TESMIN: variants seen among roughly 807,000 people sequenced by gnomAD.
The protein encoded by TESMIN is CXC domain containing 2.
TESMIN carries 34 observed loss-of-function variants against 47.4 expected under a neutral mutation model. That is an observed-to-expected ratio of 0.72 (90% confidence interval 0.55 to 0.96). The LOEUF is 0.96. TESMIN is among the 40% of genes least tolerant of loss of function. TESMIN has a pLI of 0.00. For synonymous variants in TESMIN, 278 were observed against 258.9 expected (o/e 1.07, Z -0.71); for missense variants, 610 against 637.2 (o/e 0.96, Z 0.46).
At chr11:68,736,722 TGAAAATAATCTAGTATAGACACA>T (rs1453025239) in intron 6 of TESMIN, 1 of 979,518 alleles carries the variant, frequency 1.0e-6, no homozygotes, top group African/African-American at 1.8e-5. Context: ...TGTGACTGAT[TGAAAATAATCTAGTATAGACACA>T]GAAGGAGGAA....
At chr11:68,739,739 A>C (rs1170638873) in intron 5 of TESMIN, among the ~76,000 whole-genome samples, 1 of 152,074 alleles carries the variant, frequency 6.6e-6, no homozygotes, top group Non-Finnish European at 1.5e-5. Flanking sequence ...CTTCCCGGGA[A>C]ACCCCTTCCT....
intron 6 of TESMIN, among the ~76,000 whole-genome samples, chr11:68,728,943 C>A (rs183225178): frequency 6.6e-6 from 1 of 152,146 alleles, no homozygotes; most frequent in Non-Finnish European, 1.5e-5. Context: ...ACCTGGCCCC[C>A]CAAGAGCTCT....
At chr11:68,715,283 A>G (rs1946123417) in intron 7 of TESMIN, among the ~76,000 whole-genome samples, 1 of 152,224 alleles carries the variant, frequency 6.6e-6, no homozygotes. Context: ...TAAAAGCTGC[A>G]AGCTCCTGTG....
chr11:68,735,139 G>A (rs1946372513), intron 6 of TESMIN, among the ~76,000 whole-genome samples: 1 of 152,222 alleles, frequency 6.6e-6, no homozygotes, highest in Non-Finnish European at 1.5e-5. Context: ...AGACAGAACA[G>A]TTACAGCTTT....
At chr11:68,715,024 T>A (rs566292288) in intron 7 of TESMIN, among the ~76,000 whole-genome samples, 1 of 152,240 alleles carries the variant, frequency 6.6e-6, no homozygotes, top group Non-Finnish European at 1.5e-5. Flanking sequence ...ATTGGTTAGA[T>A]ATTTCAAGTC....
intron 6 of TESMIN, among the ~76,000 whole-genome samples, chr11:68,716,843 C>T (rs1239422836): frequency 2.6e-5 from 4 of 152,226 alleles, no homozygotes; most frequent in African/African-American, 9.6e-5. Flanking sequence ...CCCAGAGAGC[C>T]ACCCCATGGC....
chr11:68,727,617 C>A (rs1405420440), intron 6 of TESMIN, among the ~76,000 whole-genome samples: 1 of 152,162 alleles, frequency 6.6e-6, no homozygotes, highest in African/African-American at 2.4e-5. Context: ...CACTTATAGG[C>A]AAACCTCATT....
chr11:68,738,769 G>A lies in TESMIN; in HGVS notation c.848C>T (p.Ser283Leu), dbSNP rs1016603750. The change falls in exon 6 of 10, where the codon TCG (serine) becomes TTG (leucine). Residue 283 changes from serine (S) to leucine (L), a missense_variant. Physicochemically the swap from Ser to Leu is moderately radical, Grantham distance 145 (BLOSUM62 -2). Coordinates refer to ENST00000255087, the MANE Select transcript of TESMIN (RefSeq NM_004923.3). ...ITQQLEGALP[S>L]VVNGSAFPSG... ...GGGGAAAGCAGACCCGTTGACTACC[G>A]ATGGTAAGGCTCCCTCAAGCTGTTC... The A allele has an allele frequency of 9.9e-6, 16 of 1,613,800 alleles. No individual in the cohort carries two copies. Among genetic ancestry groups the A allele is most frequent in the South Asian group, 2.2e-5 (2 of 91,082 alleles).
At position 68,750,372 on chromosome 11, in the gene TESMIN, A is replaced by G; in HGVS notation, c.289T>C (p.Tyr97His). The G allele has an allele frequency of 3.3e-6, 5 of 1,508,776 alleles. No homozygotes were observed. The highest frequency in any genetic ancestry group is 3.6e-6 in the Non-Finnish European group (4 of 1,126,054). The allele number at this position is 1,508,776 out of a possible 1,614,324, so 93.5% of individuals were successfully genotyped here. The change falls in exon 2 of 10, where the codon TAC becomes CAC. Residue 97 changes from tyrosine to histidine, a missense_variant. Physicochemically the swap from Tyr to His is moderately conservative, Grantham distance 83. Coordinates refer to ENST00000255087, the MANE Select transcript of TESMIN (RefSeq NM_004923.3). Reference protein sequence around the residue: ...DSDGGELLGEYPGIPELSALE... With the variant: ...DSDGGELLGEHPGIPELSALE... ...GCGCTGAGCTCTGGGATCCCGGGGTACTCCCCGAGGAGCTCCCCGCCGTCG... is the reference window on the plus strand; with the variant it reads ...GCGCTGAGCTCTGGGATCCCGGGGTGCTCCCCGAGGAGCTCCCCGCCGTCG...
chr11:68,714,866 A>G (rs1249252164), intron 7 of TESMIN, among the ~76,000 whole-genome samples: 4 of 152,210 alleles, frequency 2.6e-5, no homozygotes, highest in African/African-American at 9.6e-5. Context: ...GTGCCCCTTT[A>G]TATGCCTATC....
intron 6 of TESMIN, among the ~76,000 whole-genome samples, chr11:68,720,882 C>A (rs1946196104): frequency 6.6e-6 from 1 of 152,046 alleles, no homozygotes; most frequent in Non-Finnish European, 1.5e-5. Context: ...ATCTCATTCC[C>A]TAGAGATGAT....
At chr11:68,741,146 G>A (rs1461097559) in intron 5 of TESMIN, among the ~76,000 whole-genome samples, 1 of 151,884 alleles carries the variant, frequency 6.6e-6, no homozygotes, top group Non-Finnish European at 1.5e-5. Flanking sequence ...TGCCATAACA[G>A]GCTCACCGTT....
At chr11:68,747,079 A>G (rs1946529933) in intron 3 of TESMIN, 129 bp downstream of exon 3, 1 of 1,036,170 alleles carries the variant, frequency 9.7e-7, no homozygotes, top group Admixed American at 2.0e-5. Flanking sequence ...TGCTAATGAG[A>G]CAACCAAAAA....
At chr11:68,722,032 T>C (rs916555304) in intron 6 of TESMIN, among the ~76,000 whole-genome samples, 2 of 152,162 alleles carry the variant, frequency 1.3e-5, no homozygotes, top group African/African-American at 4.8e-5. Context: ...TCAGTGTCCA[T>C]TGCAGCATCA....
chr11:68,715,740 G>GT (rs1946129147), intron 7 of TESMIN, 97 bp downstream of exon 7: 4 of 907,084 alleles, frequency 4.4e-6, no homozygotes, highest in Admixed American at 2.4e-5. Flanking sequence ...AAAACTGTGG[G>GT]TTTTTTCCAA....
chr11:68,712,880 C>T (rs998130488), intron 8 of TESMIN, among the ~76,000 whole-genome samples: 1 of 152,194 alleles, frequency 6.6e-6, no homozygotes, highest in Non-Finnish European at 1.5e-5. Flanking sequence ...CTGTCCCCCA[C>T]GGCCCCACCT....
Position 68,707,548 on chromosome 11 carries a change from A to C in TESMIN, c.*760T>G, listed in dbSNP as rs1040803634. On this transcript the variant is annotated 3_prime_UTR_variant, in exon 10 of 10. Coordinates refer to ENST00000255087, the MANE Select transcript of TESMIN (RefSeq NM_004923.3). ...TTTCCACAAGCTAGTTATGTGAACC[A>C]TGTTTTACAAACAATAATAATATTA... The C allele has an allele frequency of 1.6e-5, 3 of 189,700 alleles. No homozygotes were observed. The highest frequency in any genetic ancestry group is 6.8e-5 in the African/African-American group (3 of 43,860). The allele number at this position is 189,700 out of a possible 1,614,324, so 11.8% of individuals were successfully genotyped here.
At chr11:68,732,837 C>T (rs954676071) in intron 6 of TESMIN, 17 of 152,230 alleles carry the variant, frequency 1.1e-4, no homozygotes, top group African/African-American at 3.6e-4. Context: ...GTTTCACGGA[C>T]TTCTGGATTT....
intron 6 of TESMIN, among the ~76,000 whole-genome samples, chr11:68,721,678 T>C (rs1946205458): frequency 6.6e-6 from 1 of 152,228 alleles, no homozygotes; most frequent in Non-Finnish European, 1.5e-5. Context: ...GAAAAGTCTC[T>C]GGAATCTGTG....
Sources: gnomAD v4.1 joint callset for allele counts (sites outside exome capture counted in the v4.1 genomes callset) on GRCh38, gnomAD v4.1.1 for gene constraint, MANE v1.5 for transcripts, NCBI Gene and HGNC (gene_info 2026-07-23, HGNC 2026-07-21) for gene names.